Variants in CNBD1 observed in about 807,000 individuals in gnomAD.
The protein encoded by CNBD1 is cyclic nucleotide-binding domain-containing protein 1.
A neutral mutation model predicts 54.4 loss-of-function variants in CNBD1; 71 were observed. The ratio of observed to expected loss-of-function variants is 1.30; its 90% CI spans 1.08 to 1.59. The LOEUF is 1.59. Ranked by LOEUF, CNBD1 falls within the 40% of genes most tolerant of loss-of-function variation. The probability of loss-of-function intolerance (pLI) is 0.00; values close to 1 mark genes in which losing one functional copy is unlikely to be tolerated. For missense variants in CNBD1, 659 were observed against 518.0 expected (o/e 1.27, Z -2.64); for synonymous variants, 182 against 170.7 (o/e 1.07, Z -0.51).
At chr8:87,101,514 G>A (rs962536190) in intron 4 of CNBD1, among the ~76,000 whole-genome samples, 1 of 151,814 alleles carries the variant, frequency 6.6e-6, no homozygotes, top group Non-Finnish European at 1.5e-5. Flanking sequence ...AAAACTGACA[G>A]AACTAAAAGG....
intron 3 of CNBD1, among the ~76,000 whole-genome samples, chr8:86,922,841 A>G (rs1809297189): frequency 6.6e-6 from 1 of 152,276 alleles, no homozygotes; most frequent in South Asian, 2.1e-4. Flanking sequence ...CGGAGCAACC[A>G]GGAGTGAAGA....
In CNBD1 at chr8:87,362,976, G is replaced by A. The variant is rs142983067; in HGVS notation, c.1303+9190G>A. Among the ~76,000 whole-genome samples, 332 of 151,982 alleles carry A rather than the reference G, an allele frequency of 2.2e-3. 2 individuals carry two copies. The highest frequency in any genetic ancestry group is 7.5e-3 in the African/African-American group (312 of 41,488). On this transcript the variant is annotated intron_variant, in intron 10 of 10. Coordinates refer to ENST00000518476, the MANE Select transcript of CNBD1 (RefSeq NM_173538.3). ...CCCATCAACCCGTCATCTATATTAG[G>A]TATTTCTCCTAATGCTATCCCTCCT...
chr8:87,321,364 CTTGT>C (rs1248057010), intron 8 of CNBD1, among the ~76,000 whole-genome samples: 3 of 152,050 alleles, frequency 2.0e-5, no homozygotes, highest in Non-Finnish European at 2.9e-5. Context: ...TGTTTGTTTG[CTTGT>C]TTGTTTGATT....
At chr8:87,067,116 C>T (rs1810670169) in intron 4 of CNBD1, among the ~76,000 whole-genome samples, 1 of 152,054 alleles carries the variant, frequency 6.6e-6, no homozygotes, top group African/African-American at 2.4e-5. Context: ...GTAGAAGCAT[C>T]GCCTCTTCCA....
chr8:87,327,769 C>T (rs375609465), intron 8 of CNBD1, among the ~76,000 whole-genome samples: 7 of 152,274 alleles, frequency 4.6e-5, no homozygotes, highest in South Asian at 2.1e-4. Flanking sequence ...TCTTCTGCGT[C>T]GCTCACGCTG....
chr8:87,367,030 G>C (rs1255852935), intron 10 of CNBD1, among the ~76,000 whole-genome samples: 1 of 151,962 alleles, frequency 6.6e-6, no homozygotes, highest in African/African-American at 2.4e-5. Flanking sequence ...GATAACTTCA[G>C]ATTTCCTCTG....
At chr8:87,389,327 G>A (rs908726503) in intron 2 of CNBD1, among the ~76,000 whole-genome samples, 2 of 152,206 alleles carry the variant, frequency 1.3e-5, no homozygotes, top group African/African-American at 4.8e-5. Context: ...GTTTGCAGAT[G>A]ACATGATTGT....
chr8:87,231,909 C>A (rs562297282), intron 5 of CNBD1, among the ~76,000 whole-genome samples: 1 of 152,260 alleles, frequency 6.6e-6, no homozygotes, highest in South Asian at 2.1e-4. Context: ...CTTTATATTT[C>A]TTCCCAGTCA....
chr8:87,362,753 C>T (rs979149074), intron 10 of CNBD1, among the ~76,000 whole-genome samples: 1 of 152,000 alleles, frequency 6.6e-6, no homozygotes, highest in Non-Finnish European at 1.5e-5. Flanking sequence ...AATTTATATC[C>T]TTTTAGATAC....
chr8:87,377,756 T>G (rs914943426), intron 10 of CNBD1, among the ~76,000 whole-genome samples: 2 of 143,210 alleles, frequency 1.4e-5, no homozygotes, highest in South Asian at 4.6e-4. Flanking sequence ...TGAACTAGTT[T>G]ACAGTCCCAC....
At chr8:87,342,120 A>C (rs925123222) in intron 8 of CNBD1, among the ~76,000 whole-genome samples, 2 of 152,092 alleles carry the variant, frequency 1.3e-5, no homozygotes, top group African/African-American at 2.4e-5. Context: ...AAAAATACAA[A>C]AAATTAGCCG....
chr8:86,881,066 C>T (rs1297729167), intron 1 of CNBD1, among the ~76,000 whole-genome samples: 1 of 152,140 alleles, frequency 6.6e-6, no homozygotes, highest in African/African-American at 2.4e-5. Context: ...CCACAGCCAA[C>T]ATCATACTGA....
Position 86,943,548 on chromosome 8 carries a change from C to T in CNBD1, c.431+3794C>T, listed in dbSNP as rs985782006. Among the ~76,000 whole-genome samples, 5 of 151,676 alleles carry T rather than the reference C, an allele frequency of 3.3e-5. 1 individual carries two copies. The South Asian group carries it at 1.0e-3, about 31-fold the overall frequency. On this transcript the variant is annotated intron_variant, in intron 4 of 10. Transcript: ENST00000518476. ...GGAAAAATAATAAATAATTTTGAAA[C>T]ATTAAAATCATTGGGAGAGGCATTA...
intron 2 of CNBD1, among the ~76,000 whole-genome samples, chr8:87,407,868 TTTAA>T (rs1323528806): frequency 5.9e-5 from 9 of 152,056 alleles, no homozygotes; most frequent in East Asian, 1.9e-4. Flanking sequence ...TTTGTAGATC[TTTAA>T]TTATTTATAT....
chr8:87,364,084 G>T (rs1810585184), intron 10 of CNBD1, among the ~76,000 whole-genome samples: 1 of 151,362 alleles, frequency 6.6e-6, no homozygotes. Flanking sequence ...ATTCCATTAG[G>T]TATTTTATAG....
intron 6 of CNBD1, among the ~76,000 whole-genome samples, chr8:87,238,916 T>G (rs1372846906): frequency 6.6e-6 from 1 of 152,076 alleles, no homozygotes; most frequent in Non-Finnish European, 1.5e-5. Flanking sequence ...TATGCCATGG[T>G]CCTTATAAAT....
At chr8:86,961,456 A>G (rs947195869) in intron 4 of CNBD1, among the ~76,000 whole-genome samples, 2 of 152,242 alleles carry the variant, frequency 1.3e-5, no homozygotes, top group African/African-American at 4.8e-5. Context: ...TTACTTTCCT[A>G]TTCAACAGTA....
intron 10 of CNBD1, among the ~76,000 whole-genome samples, chr8:87,380,023 G>A (rs1466277664): frequency 1.3e-5 from 2 of 148,826 alleles, no homozygotes; most frequent in Non-Finnish European, 2.9e-5. Flanking sequence ...CCACTTGGGA[G>A]GTTTTAGATA....
At chr8:87,282,655 T>C (rs1808620483) in intron 6 of CNBD1, among the ~76,000 whole-genome samples, 1 of 151,988 alleles carries the variant, frequency 6.6e-6, no homozygotes, top group Non-Finnish European at 1.5e-5. Context: ...TCCTAATTAT[T>C]AATATTAGGG....
Sources: gnomAD v4.1 joint callset for allele counts (sites outside exome capture counted in the v4.1 genomes callset) on GRCh38, gnomAD v4.1.1 for gene constraint, MANE v1.5 for transcripts, NCBI Gene and HGNC (gene_info 2026-07-23, HGNC 2026-07-21) for gene names.